Variants in SEMA3D observed in about 807,000 individuals in gnomAD.
SEMA3D encodes semaphorin 3D.
In SEMA3D, 84 loss-of-function variants were observed where a neutral mutation model predicts 100.1. That is an observed-to-expected ratio of 0.84 (90% CI 0.70 to 1.01). SEMA3D has a LOEUF of 1.01. Ranked by LOEUF, SEMA3D falls within the 50% of genes least tolerant of loss-of-function variation. SEMA3D has a pLI of 0.00. For missense variants in SEMA3D, 875 were observed against 934.1 expected (o/e 0.94, Z 0.82); for synonymous variants, 312 against 320.7 (o/e 0.97, Z 0.29).
At chr7:85,014,565 T>G (rs1389933256) in intron 16 of SEMA3D, among the ~76,000 whole-genome samples, 1 of 151,748 alleles carries the variant, frequency 6.6e-6, no homozygotes, top group Non-Finnish European at 1.5e-5. Flanking sequence ...ATTATATGAG[T>G]GGCAGAAATT....
At chr7:85,070,929 T>C (rs537378188) in intron 6 of SEMA3D, among the ~76,000 whole-genome samples, 6 of 152,266 alleles carry the variant, frequency 3.9e-5, no homozygotes, top group African/African-American at 1.4e-4. Flanking sequence ...TACAGGCGCA[T>C]GCCACCACGC....
chr7:85,051,868 G>A (rs548734737), intron 9 of SEMA3D, among the ~76,000 whole-genome samples: 2 of 151,968 alleles, frequency 1.3e-5, no homozygotes, highest in Non-Finnish European at 1.5e-5. Flanking sequence ...TGTCTACAGG[G>A]TAGGTATCAA....
intron 6 of SEMA3D, among the ~76,000 whole-genome samples, chr7:85,072,528 T>C (rs551146986): frequency 6.6e-6 from 1 of 152,140 alleles, no homozygotes; most frequent in Non-Finnish European, 1.5e-5. Flanking sequence ...TATAAAGACA[T>C]ACATGGAGCC....
intron 3 of SEMA3D, among the ~76,000 whole-genome samples, chr7:85,112,647 T>G (rs1789125188): frequency 6.6e-6 from 1 of 152,096 alleles, no homozygotes; most frequent in Non-Finnish European, 1.5e-5. Context: ...AGATTCAGGG[T>G]CTGAGCCTCA....
intron 8 of SEMA3D, 57 bp downstream of exon 8, chr7:85,065,367 T>C: frequency 6.7e-7 from 1 of 1,500,618 alleles, no homozygotes; most frequent in Non-Finnish European, 9.2e-7. Context: ...AATACACTTC[T>C]TATCTATCTT....
chr7:85,104,306 G>T (rs1382957496), intron 3 of SEMA3D, among the ~76,000 whole-genome samples: 2 of 151,982 alleles, frequency 1.3e-5, no homozygotes, highest in East Asian at 3.9e-4. Context: ...TGTGACAAAG[G>T]ACAACCATAT....
intron 17 of SEMA3D, among the ~76,000 whole-genome samples, chr7:85,010,701 G>T (rs1332152391): frequency 6.6e-6 from 1 of 151,844 alleles, no homozygotes; most frequent in African/African-American, 2.4e-5. Context: ...TCTTGAAGAA[G>T]ATAATAAGAA....
In SEMA3D at chr7:85,117,710, C is replaced by T. The variant is rs373035599; in HGVS notation, c.151+4031G>A. ...ATTACTTGAGCTTAGGAGGCCGAGG[C>T]TGCAGTGATCCAAGATCTTGCCACT... is the stretch of plus-strand genomic sequence containing the variant. On this transcript the variant is annotated intron_variant, in intron 3 of 18. Transcript: ENST00000284136. Among the ~76,000 whole-genome samples the T allele has an allele frequency of 7.1e-4, 108 of 152,032 alleles. 1 individual carries two copies. The highest frequency in any genetic ancestry group is 2.5e-3 in the African/African-American group (103 of 41,474).
At chr7:85,180,367 G>A (rs1261734601) in intron 1 of SEMA3D, among the ~76,000 whole-genome samples, 1 of 152,168 alleles carries the variant, frequency 6.6e-6, no homozygotes, top group African/African-American at 2.4e-5. Context: ...CCCCAGCCAT[G>A]TGGAACTGTC....
At chr7:85,220,618 A>C in the SEMA3D span, among the ~76,000 whole-genome samples, 1 of 152,024 alleles carries the variant, frequency 6.6e-6, no homozygotes, top group Admixed American at 6.6e-5. Context: ...CTAGTGTGTA[A>C]AGTTAGGAAA....
chr7:85,232,788 C>A, the SEMA3D span, among the ~76,000 whole-genome samples: 137 of 152,254 alleles, frequency 9.0e-4, no homozygotes, highest in Middle Eastern at 0.01. Flanking sequence ...AAAGTGAAAT[C>A]TATTGAAACA....
At chr7:85,115,915 C>T (rs894018863) in intron 3 of SEMA3D, among the ~76,000 whole-genome samples, 1 of 152,112 alleles carries the variant, frequency 6.6e-6, no homozygotes, top group Non-Finnish European at 1.5e-5. Flanking sequence ...TCCAACTTAA[C>T]TCTTGCATTA....
intron 18 of SEMA3D, among the ~76,000 whole-genome samples, chr7:85,004,887 A>T (rs928466934): frequency 6.6e-6 from 1 of 152,046 alleles, no homozygotes; most frequent in Non-Finnish European, 1.5e-5. Context: ...GTAAAATTCG[A>T]TAAGTATTTC....
chr7:85,121,478 T>C (rs2116402852), intron 3 of SEMA3D, among the ~76,000 whole-genome samples: 1 of 152,272 alleles, frequency 6.6e-6, no homozygotes, highest in South Asian at 2.1e-4. Context: ...AATTTATTTG[T>C]TTTAACACCA....
chr7:85,114,043 G>A (rs1789169191), intron 3 of SEMA3D, among the ~76,000 whole-genome samples: 1 of 152,088 alleles, frequency 6.6e-6, no homozygotes, highest in African/African-American at 2.4e-5. Context: ...TAACCTTTCA[G>A]ACTCTCAATA....
At chr7:85,074,096 T>C (rs571181278) in intron 5 of SEMA3D, among the ~76,000 whole-genome samples, 1 of 152,316 alleles carries the variant, frequency 6.6e-6, no homozygotes, top group African/African-American at 2.4e-5. Flanking sequence ...GGCTTCATGA[T>C]TCTTGGATCC....
chr7:85,074,059 A>C (rs1379862112), intron 5 of SEMA3D, among the ~76,000 whole-genome samples: 1 of 152,176 alleles, frequency 6.6e-6, no homozygotes, highest in Non-Finnish European at 1.5e-5. Context: ...ATCTTTACAT[A>C]AATGTTACAT....
the SEMA3D span, among the ~76,000 whole-genome samples, chr7:85,206,836 A>C: frequency 6.6e-6 from 1 of 152,122 alleles, no homozygotes; most frequent in Non-Finnish European, 1.5e-5. Flanking sequence ...TGATGAAAAC[A>C]TGCTGTTTTT....
the SEMA3D span, among the ~76,000 whole-genome samples, chr7:85,210,707 T>G: frequency 7.9e-5 from 12 of 152,124 alleles, no homozygotes; most frequent in African/African-American, 2.9e-4. Context: ...GGAAACTGGT[T>G]TATCTATTGT....
Sources: gnomAD v4.1 joint callset for allele counts (sites outside exome capture counted in the v4.1 genomes callset) on GRCh38, gnomAD v4.1.1 for gene constraint, MANE v1.5 for transcripts, NCBI Gene and HGNC (gene_info 2026-07-23, HGNC 2026-07-21) for gene names.